Variants in MSH6 observed in about 807,000 individuals in gnomAD.
The protein encoded by MSH6 is mutS homolog 6, also known as DNA mismatch repair protein Msh6.
A neutral mutation model predicts 119.1 loss-of-function variants in MSH6; 85 were observed. That is an observed-to-expected ratio of 0.71 (90% confidence interval 0.60 to 0.85). The LOEUF is 0.85. MSH6 is among the 40% of genes least tolerant of loss of function. MSH6 has a pLI of 0.00. For missense variants in MSH6, 2,163 were observed against 1,655.3 expected, an observed-to-expected ratio of 1.31 and a Z score of -5.32; for synonymous variants, 830 against 586.9, an observed-to-expected ratio of 1.41 and a Z score of -5.99.
At chr2:47,805,953 G>A (rs1670005141) in intron 7 of MSH6, among the ~76,000 whole-genome samples, 1 of 152,084 alleles carries the variant, frequency 6.6e-6, no homozygotes, top group South Asian at 2.1e-4. Context: ...TATACTACGG[G>A]GATGAGAACA....
chr2:47,800,849 G>A lies in MSH6; in HGVS notation c.2866G>A (p.Glu956Lys), dbSNP rs935578138. The A allele has an allele frequency of 1.2e-6, 2 of 1,614,054 alleles. No homozygotes were observed. The highest frequency in any genetic ancestry group is 1.7e-6 in the Non-Finnish European group (2 of 1,180,014). ...TGAACAGAGCCTCCTGGAATACCTA[G>A]AGAAACAGCGCAACAGAATTGGCTG... ...ENEQSLLEYL[E>K]KQRNRIGCRT... Residue 956 changes from glutamate (E) to lysine (K), a missense_variant, in exon 4 of 10, where the codon GAG (glutamate) becomes AAG (lysine). Physicochemically the swap from Glu to Lys is moderately conservative, Grantham distance 56. Transcript: ENST00000234420.
At position 47,788,575 on chromosome 2, in the gene MSH6, T is replaced by TC. The variant is rs1213185857; in HGVS notation, c.261-2352_261-2351insC. Among the ~76,000 whole-genome samples, 1,404 of 144,806 alleles carry TC rather than the reference T, an allele frequency of 9.7e-3. 18 individuals are homozygous for TC. The highest frequency in any genetic ancestry group is 0.032 in the African/African-American group (1,257 of 39,052). The allele number at this position is 144,806 out of a possible 152,430, so 95.0% of individuals were successfully genotyped here. Reference sequence around the variant, plus strand: ...GCCTTTTTCTTTTTCTTTTTCTTTTTTTTTTTTTTTTTGAGACGGAGTCTT... The same window carrying TC: ...GCCTTTTTCTTTTTCTTTTTCTTTTTCTTTTTTTTTTTTGAGACGGAGTCTT... On this transcript the variant is annotated intron_variant, in intron 1 of 9. Coordinates refer to ENST00000234420, the MANE Select transcript of MSH6 (RefSeq NM_000179.3).
At chr2:47,783,962 G>T (rs1228214694) in intron 1 of MSH6, 5 of 1,039,718 alleles carry the variant, frequency 4.8e-6, no homozygotes, top group Non-Finnish European at 5.8e-6. Context: ...GGAGAGTCCG[G>T]TGGTGTGGGG....
chr2:47,793,941 A>T (rs944369065), intron 2 of MSH6, among the ~76,000 whole-genome samples: 7 of 151,516 alleles, frequency 4.6e-5, no homozygotes, highest in Non-Finnish European at 8.8e-5. Context: ...CACGTTGTCC[A>T]GGCTGGTCTC....
chr2:47,787,352 T>G (rs1245376139), intron 1 of MSH6, among the ~76,000 whole-genome samples: 1 of 152,202 alleles, frequency 6.6e-6, no homozygotes, highest in Non-Finnish European at 1.5e-5. Context: ...AACTAGTAAT[T>G]GACATCAAAA....
rs370237509 is a variant in MSH6 at position 47,800,094 on chromosome 2, C to T, written c.2111C>T (p.Ala704Val). The T allele has an allele frequency of 6.2e-7, 1 of 1,614,044 alleles. No individual in the cohort carries two copies. The highest frequency in any genetic ancestry group is 1.1e-5 in the South Asian group (1 of 91,080). ...CLIDQELLSM[A>V]NFEEYIPLDS... Reference sequence around the variant, plus strand: ...ATTGATCAGGAGCTTTTATCAATGGCTAATTTTGAAGAATATATTCCCTTG... The same window carrying T: ...ATTGATCAGGAGCTTTTATCAATGGTTAATTTTGAAGAATATATTCCCTTG... The change falls in exon 4 of 10, where the codon GCT becomes GTT. Residue 704 changes from alanine (A) to valine (V), a missense_variant. Physicochemically the swap from Ala to Val is moderately conservative, Grantham distance 64. Transcript: ENST00000234420.
At chr2:47,798,474 C>G (rs1045572461) in intron 3 of MSH6, 137 bp from the exon 4 acceptor site, 1 of 853,356 alleles carries the variant, frequency 1.2e-6, no homozygotes, top group Non-Finnish European at 1.8e-6. Context: ...TGTAATTCAT[C>G]GAATACTGTA....
intron 1 of MSH6, among the ~76,000 whole-genome samples, chr2:47,788,577 T>C (rs1464697158): frequency 2.7e-5 from 4 of 146,026 alleles, no homozygotes; most frequent in Non-Finnish European, 6.0e-5. Flanking sequence ...TTTCTTTTTT[T>C]TTTTTTTTTT....
chr2:47,785,146 T>A (rs1001564494), intron 1 of MSH6, among the ~76,000 whole-genome samples: 1 of 146,968 alleles, frequency 6.8e-6, no homozygotes, highest in Non-Finnish European at 1.5e-5. Flanking sequence ...AAACACAAAG[T>A]TTAATGGTCG....
Position 47,806,300 on chromosome 2 carries a change from A to G in MSH6, c.3743A>G (p.His1248Arg), listed in dbSNP as rs1313332429. ...AAATGTCGTACATTATTTTCAACTC[A>G]CTACCATTCATTAGTAGAAGATTAT... ...TIKCRTLFST[H>R]YHSLVEDYSQ... The change falls in exon 8 of 10, where the codon CAC becomes CGC. Residue 1248 changes from histidine (H) to arginine (R), a missense_variant. Physicochemically the swap from His to Arg is conservative, Grantham distance 29. Transcript: ENST00000234420. The G allele has an allele frequency of 6.2e-7, 1 of 1,614,098 alleles. No individual in the cohort carries two copies.
Position 47,806,209 on chromosome 2 carries a change from G to A in MSH6, c.3652G>A (p.Gly1218Ser), listed in dbSNP as rs776407427. Residue 1218 changes from glycine (G) to serine (S), a missense_variant, in exon 8 of 10, where the codon GGT becomes AGT. Transcript: ENST00000234420. ...TGCATATTTTACTTTAACAGGAAGA[G>A]GTACTGCAACATTTGATGGGACGGC... ...SLVLVDELGR[G>S]TATFDGTAIA... 1 of 1,613,974 alleles carries A rather than the reference G, an allele frequency of 6.2e-7. No homozygotes were observed. Among genetic ancestry groups the A allele is most frequent in the Non-Finnish European group, 8.5e-7 (1 of 1,179,896 alleles).
intron 7 of MSH6, 142 bp downstream of exon 7, chr2:47,805,849 C>T (rs185858208): frequency 1.1e-4 from 85 of 742,300 alleles, no homozygotes; most frequent in Non-Finnish European, 1.5e-4. Context: ...TGGCACAGAC[C>T]GATAGTTGGA....
downstream of MSH6, chr2:47,808,316 G>C (rs375824193): frequency 5.5e-5 from 88 of 1,612,548 alleles, 1 homozygote; most frequent in Middle Eastern, 9.9e-4. Context: ...TATCAAGCAA[G>C]TGTGCTACAT....
At chr2:47,788,922 GTTTT>G (rs1558650240) in intron 1 of MSH6, among the ~76,000 whole-genome samples, 7 of 40,946 alleles carry the variant, frequency 1.7e-4, no homozygotes, top group Non-Finnish European at 2.1e-4. Context: ...TTTTTTTTTT[GTTTT>G]TTTTTTTTTT....
chr2:47,809,662 T>C (rs1267843819), downstream of MSH6: 2 of 1,613,554 alleles, frequency 1.2e-6, no homozygotes, highest in Non-Finnish European at 1.7e-6. Flanking sequence ...GTTAAAAATC[T>C]GATTGCCTTC....
chr2:47,785,363 G>T (rs1668288967), intron 1 of MSH6, among the ~76,000 whole-genome samples: 1 of 152,010 alleles, frequency 6.6e-6, no homozygotes, highest in South Asian at 2.1e-4. Context: ...GAGTAGCTGG[G>T]ATTACGGGTG....
chr2:47,785,271 A>G (rs1668283032), intron 1 of MSH6, among the ~76,000 whole-genome samples: 1 of 152,174 alleles, frequency 6.6e-6, no homozygotes, highest in Admixed American at 6.5e-5. Flanking sequence ...TCTGTCGCCC[A>G]GGCTGGAGTG....
chr2:47,801,235 T>A (rs1669564821), intron 4 of MSH6, 80 bp downstream of exon 4: 1 of 1,423,124 alleles, frequency 7.0e-7, no homozygotes, highest in Non-Finnish European at 9.8e-7. Context: ...TAAAAATAAG[T>A]AATAAGGTAT....
intron 2 of MSH6, among the ~76,000 whole-genome samples, chr2:47,793,054 C>T (rs1668840163): frequency 6.6e-6 from 1 of 151,652 alleles, no homozygotes; most frequent in Non-Finnish European, 1.5e-5. Context: ...GGCATGGTGG[C>T]TCACACCTGT....
Sources: gnomAD v4.1 joint callset for allele counts (sites outside exome capture counted in the v4.1 genomes callset) on GRCh38, gnomAD v4.1.1 for gene constraint, MANE v1.5 for transcripts, NCBI Gene and HGNC (gene_info 2026-07-23, HGNC 2026-07-21) for gene names.